DOCK3: variants seen among roughly 807,000 people sequenced by gnomAD.
DOCK3 encodes dedicator of cytokinesis protein 3.
A neutral mutation model predicts 265.6 loss-of-function variants in DOCK3; 60 were observed. The observed-to-expected ratio is 0.23, with a 90% CI of 0.18 to 0.28. The LOEUF is 0.28. Ranked by LOEUF, DOCK3 falls within the 10% of genes least tolerant of loss-of-function variation. DOCK3 has a pLI of 1.00. For missense variants in DOCK3, 1,981 were observed against 2,594.3 expected (o/e 0.76, Z 5.14); for synonymous variants, 881 against 938.0 (o/e 0.94, Z 1.11).
chr3:50,851,160 G>T (rs993971381), intron 3 of DOCK3, among the ~76,000 whole-genome samples: 3 of 152,168 alleles, frequency 2.0e-5, no homozygotes, highest in African/African-American at 7.2e-5. Context: ...TGAATGGTGG[G>T]GTTGAGGGTG....
intron 9 of DOCK3, among the ~76,000 whole-genome samples, chr3:51,140,606 A>G (rs1327248888): frequency 6.6e-6 from 1 of 152,050 alleles, no homozygotes; most frequent in Non-Finnish European, 1.5e-5. Context: ...TTTCTCTTGG[A>G]TATATACCTA....
At chr3:51,115,220 A>G (rs2083682477) in intron 9 of DOCK3, among the ~76,000 whole-genome samples, 1 of 152,146 alleles carries the variant, frequency 6.6e-6, no homozygotes, top group Non-Finnish European at 1.5e-5. Flanking sequence ...GAATCGCCAC[A>G]CTGTTTTTCC....
At chr3:51,010,217 C>G (rs2078887345) in intron 5 of DOCK3, among the ~76,000 whole-genome samples, 2 of 152,056 alleles carry the variant, frequency 1.3e-5, no homozygotes, top group South Asian at 2.1e-4. Context: ...TGACAGTGGG[C>G]TGTTAAAGTC....
chr3:50,976,059 G>A (rs2077438988), intron 5 of DOCK3, among the ~76,000 whole-genome samples: 1 of 151,570 alleles, frequency 6.6e-6, no homozygotes, highest in South Asian at 2.1e-4. Flanking sequence ...CTTGCTAGTG[G>A]TCTATCTTTT....
intron 12 of DOCK3, among the ~76,000 whole-genome samples, chr3:51,185,078 A>G (rs1319245259): frequency 2.6e-5 from 4 of 152,232 alleles, no homozygotes; most frequent in Admixed American, 6.5e-5. Flanking sequence ...TGTCACAGTC[A>G]AGAGAAACCT....
At chr3:50,920,059 T>G (rs2050354101) in intron 4 of DOCK3, among the ~76,000 whole-genome samples, 1 of 152,236 alleles carries the variant, frequency 6.6e-6, no homozygotes, top group African/African-American at 2.4e-5. Context: ...TGTTTATTGA[T>G]TTGCATATGT....
At chr3:50,930,146 A>AAAAAACT (rs1168663975) in intron 4 of DOCK3, among the ~76,000 whole-genome samples, 459 of 152,360 alleles carry the variant, frequency 3.0e-3, no homozygotes, top group African/African-American at 0.011. Flanking sequence ...TAAGTTTTTT[A>AAAAAACT]TAGATCTTAA....
intron 5 of DOCK3, among the ~76,000 whole-genome samples, chr3:50,962,238 A>T (rs2076909640): frequency 6.6e-6 from 1 of 152,124 alleles, no homozygotes; most frequent in Non-Finnish European, 1.5e-5. Flanking sequence ...CACTTATGAG[A>T]TGAACCACCT....
intron 5 of DOCK3, among the ~76,000 whole-genome samples, chr3:51,004,724 T>G (rs1041714691): frequency 2.2e-4 from 33 of 151,016 alleles, no homozygotes; most frequent in Non-Finnish European, 3.4e-4. Context: ...GTTTTTTTTT[T>G]TTTTTTTTTT....
intron 27 of DOCK3, among the ~76,000 whole-genome samples, chr3:51,295,489 C>A (rs2082031057): frequency 6.6e-6 from 1 of 152,138 alleles, no homozygotes; most frequent in African/African-American, 2.4e-5. Flanking sequence ...GAGATTTCAA[C>A]ATGAGGTTTT....
chr3:50,736,696 C>CTTT (rs200155311), intron 1 of DOCK3, among the ~76,000 whole-genome samples: 4 of 128,378 alleles, frequency 3.1e-5, no homozygotes, highest in African/African-American at 6.0e-5. Flanking sequence ...GCATAAATGT[C>CTTT]TTTTTTTTTT....
At chr3:51,085,538 C>T (rs1161866174) in intron 7 of DOCK3, among the ~76,000 whole-genome samples, 1 of 152,034 alleles carries the variant, frequency 6.6e-6, no homozygotes, top group Admixed American at 6.6e-5. Flanking sequence ...TGTATAAACA[C>T]ATGGAAATTA....
At chr3:51,016,527 A>G (rs1274047131) in intron 5 of DOCK3, among the ~76,000 whole-genome samples, 3 of 58,410 alleles carry the variant, frequency 5.1e-5, no homozygotes, top group African/African-American at 2.7e-4. Flanking sequence ...ATATTTCTAT[A>G]TAATATATGA....
intron 4 of DOCK3, among the ~76,000 whole-genome samples, chr3:50,908,056 C>T (rs780049976): frequency 4.5e-4 from 69 of 151,962 alleles, no homozygotes; most frequent in Admixed American, 1.3e-4. Flanking sequence ...TCTGTGCGAT[C>T]AGCAGTGATA....
At chr3:51,199,886 T>A (rs564455913) in intron 12 of DOCK3, among the ~76,000 whole-genome samples, 2 of 152,282 alleles carry the variant, frequency 1.3e-5, no homozygotes, top group East Asian at 3.9e-4. Context: ...GAAAAACCAC[T>A]GTTCTGCAGA....
chr3:51,335,510 C>A (rs1415684144), intron 35 of DOCK3, among the ~76,000 whole-genome samples: 2 of 152,214 alleles, frequency 1.3e-5, no homozygotes, highest in African/African-American at 4.8e-5. Context: ...TTCTGTCTTA[C>A]CTTACAAAAG....
At chr3:50,977,322 CT>C (rs1420378966) in intron 5 of DOCK3, among the ~76,000 whole-genome samples, 3 of 152,044 alleles carry the variant, frequency 2.0e-5, no homozygotes, top group Non-Finnish European at 4.4e-5. Flanking sequence ...TTCAGGAGCT[CT>C]TGTAAGGCAG....
intron 9 of DOCK3, among the ~76,000 whole-genome samples, chr3:51,106,824 G>A (rs1023977628): frequency 1.3e-5 from 2 of 152,170 alleles, no homozygotes; most frequent in African/African-American, 2.4e-5. Context: ...ATGGAAGCTG[G>A]CACCTCAGTA....
intron 1 of DOCK3, among the ~76,000 whole-genome samples, chr3:50,769,513 C>T (rs2041138029): frequency 6.6e-6 from 1 of 152,020 alleles, no homozygotes; most frequent in Non-Finnish European, 1.5e-5. Context: ...CTGTTCAACA[C>T]AGTACTAGAA....
Sources: allele counts gnomAD v4.1 joint callset (sites outside exome capture counted in the v4.1 genomes callset), GRCh38; gene constraint gnomAD v4.1.1; transcripts MANE v1.5; gene names NCBI Gene and HGNC (gene_info 2026-07-23, HGNC 2026-07-21).